The following COPG1 variants were observed in gnomAD, a reference collection of about 807,000 sequenced individuals.
The protein encoded by COPG1 is coat protein complex I subunit gamma 1.
A neutral mutation model predicts 102.8 loss-of-function variants in COPG1; 29 were observed. That is an observed-to-expected ratio of 0.28 (90% CI 0.21 to 0.38). The LOEUF is 0.38. COPG1 is among the 10% of genes least tolerant of loss of function. The pLI is 1.00. For missense variants in COPG1, 875 were observed against 1,132.7 expected (o/e 0.77, Z 3.27); for synonymous variants, 406 against 421.6 (o/e 0.96, Z 0.45).
Position 129,257,463 on chromosome 3 carries a change from C to T in COPG1, c.580-7C>T. 6.2e-7 allele frequency: 1 copy of T among 1,614,148 alleles called. No individual in the cohort carries two copies. Among genetic ancestry groups the T allele is most frequent in the Non-Finnish European group, 8.5e-7 (1 of 1,180,006 alleles). On this transcript the variant is annotated splice_polypyrimidine_tract_variant and splice_region_variant and intron_variant, in intron 8 of 23. Coordinates refer to ENST00000314797, the MANE Select transcript of COPG1 (RefSeq NM_016128.4). Reference sequence around the variant, plus strand: ...TTTGTACTCTGTTGCTGTCTCCTGTCCTATAGTACCACGCACTAGGGCTCC... The same window carrying T: ...TTTGTACTCTGTTGCTGTCTCCTGTTCTATAGTACCACGCACTAGGGCTCC...
At chr3:129,252,561 C>T in intron 3 of COPG1, 62 bp from the exon 4 acceptor site, 3 of 1,404,830 alleles carry the variant, frequency 2.1e-6, no homozygotes, top group African/African-American at 1.4e-5. Flanking sequence ...GTGGGCTGAT[C>T]CTGAAAGAAC....
chr3:129,252,630 A>G lies in COPG1; in HGVS notation c.179A>G (p.His60Arg), dbSNP rs764263230. 1 of 1,613,834 alleles carries G rather than the reference A, an allele frequency of 6.2e-7. No homozygotes were observed. The part of the protein sequence containing the change: ...KILYLINQGE[H>R]LGTTEATEAF... The stretch of plus-strand genomic sequence containing the variant: ...CTTTCTTGATTAACACAGGGGGAGC[A>G]CCTGGGGACCACGGAAGCGACCGAG... The change falls in exon 4 of 24, where the codon CAC becomes CGC. Residue 60 changes from histidine to arginine, a missense_variant. By Grantham distance (29) the His-to-Arg change is conservative. Coordinates refer to ENST00000314797, the MANE Select transcript of COPG1 (RefSeq NM_016128.4).
Position 129,275,063 on chromosome 3 carries a change from G to A in COPG1, c.2395+87G>A. 6.5e-7 allele frequency: 1 copy of A among 1,540,022 alleles called. No homozygotes were observed. Among genetic ancestry groups the A allele is most frequent in the South Asian group, 1.1e-5 (1 of 87,052 alleles). ...AAGTGCTCATCCCTTTTCTCTCCAA[G>A]GATCCAGGGCCATGTCTGGAGCACA... On this transcript the variant is annotated intron_variant, in intron 22 of 23. Transcript: ENST00000314797. The surrounding 1 kb of genome is among the most constrained non-coding windows in gnomAD (Gnocchi z 5.0).
At chr3:129,274,595 G>T (rs911181246) in intron 21 of COPG1, among the ~76,000 whole-genome samples, 5 of 152,212 alleles carry the variant, frequency 3.3e-5, no homozygotes, top group African/African-American at 9.6e-5. Flanking sequence ...GCGGCTCTAG[G>T]CTGAATTAGT....
intron 6 of COPG1, 117 bp downstream of exon 6, chr3:129,254,860 G>C (rs1939773342): frequency 8.5e-7 from 1 of 1,175,812 alleles, no homozygotes; most frequent in Non-Finnish European, 1.3e-6. Flanking sequence ...GGTGGAGGCA[G>C]TGTGCAGGAG....
rs141128042 is a variant in COPG1 at position 129,267,510 on chromosome 3, A to G, written c.1544+411A>G. Among the ~76,000 whole-genome samples, 428 of 152,242 alleles carry G rather than the reference A, an allele frequency of 2.8e-3. 3 individuals carry two copies. Among genetic ancestry groups the G allele is most frequent in the Non-Finnish European group, 5.1e-3 (350 of 67,998 alleles). On this transcript the variant is annotated intron_variant, in intron 15 of 23. Coordinates refer to ENST00000314797, the MANE Select transcript of COPG1 (RefSeq NM_016128.4). ...GTGGCGGGTGCCTGTAGTCCCAGCT[A>G]CTTGGGAGGCTGAGGCAGGAGAATG...
At position 129,272,312 on chromosome 3, in the gene COPG1, G is replaced by A; in HGVS notation, c.2055G>A (p.Glu685=). The A allele has an allele frequency of 2.5e-6, 4 of 1,614,002 alleles. No individual in the cohort carries two copies. Among genetic ancestry groups the A allele is most frequent in the Non-Finnish European group, 3.4e-6 (4 of 1,179,870 alleles). Residue 685 remains glutamate, a synonymous_variant, in exon 20 of 24, where the codon GAG becomes GAA. Coordinates refer to ENST00000314797, the MANE Select transcript of COPG1 (RefSeq NM_016128.4). ...ENVTVQMEPT[E]AYEVLCYVPA... is the part of the protein sequence containing the mutation. ...TCACAGTGCAGATGGAGCCCACTGA[G>A]GCCTATGAGGTGCTCTGTTACGTGC...
intron 1 of COPG1, 98 bp from the exon 2 acceptor site, chr3:129,250,584 T>C: frequency 1.0e-6 from 1 of 963,562 alleles, no homozygotes. Context: ...TGAACTTTAC[T>C]AGATTTCCTA....
intron 15 of COPG1, 102 bp from the exon 16 acceptor site, chr3:129,267,835 T>C: frequency 1.2e-6 from 1 of 844,756 alleles, no homozygotes; most frequent in East Asian, 2.6e-5. Context: ...ACCACTAGTC[T>C]ACTTGTTATC....
chr3:129,255,324 G>A (rs879359401), intron 7 of COPG1, among the ~76,000 whole-genome samples: 30 of 151,858 alleles, frequency 2.0e-4, no homozygotes, highest in South Asian at 6.3e-4. Context: ...GATTACAGGC[G>A]TCTGCCACTG....
rs540377964 is a variant in COPG1 at position 129,262,750 on chromosome 3, T to TGGC, written c.1129-1153_1129-1151dup. ...AAAAAAAAAAATTGGCTGGGCGCGG[T>TGGC]GGCTTATGCCTGTAATCACAGCACT... On this transcript the variant is annotated intron_variant, in intron 12 of 23. Coordinates refer to ENST00000314797, the MANE Select transcript of COPG1 (RefSeq NM_016128.4). Among the ~76,000 whole-genome samples the TGGC allele has an allele frequency of 8.6e-3, 1,281 of 149,448 alleles. 15 individuals are homozygous for TGGC. Among genetic ancestry groups the TGGC allele is most frequent in the African/African-American group, 0.03 (1,217 of 40,460 alleles).
At chr3:129,253,030 C>A in intron 5 of COPG1, 75 bp downstream of exon 5, 1 of 1,316,082 alleles carries the variant, frequency 7.6e-7, no homozygotes, top group Non-Finnish European at 1.1e-6. Context: ...GTGTACCAGA[C>A]AGTGAGACTT....
Position 129,277,516 on chromosome 3 carries a change from C to A in COPG1, c.*92C>A. The A allele has an allele frequency of 7.4e-7, 1 of 1,358,700 alleles. No homozygotes were observed. The highest frequency in any genetic ancestry group is 1.0e-6 in the Non-Finnish European group (1 of 985,192). 84.2% of individuals were successfully genotyped at this position (1,358,700 alleles called of 1,614,324 possible). On this transcript the variant is annotated 3_prime_UTR_variant, in exon 24 of 24. Coordinates refer to ENST00000314797, the MANE Select transcript of COPG1 (RefSeq NM_016128.4). ...AAACTGGCAGAAACCCCTTCCCAAG[C>A]TTCTGTATTGAAAAACAATTAGGAA...
intron 13 of COPG1, 101 bp downstream of exon 13, chr3:129,264,100 C>T (rs547740739): frequency 1.0e-6 from 1 of 977,668 alleles, no homozygotes; most frequent in East Asian, 2.5e-5. Flanking sequence ...TTATGTTAGC[C>T]TGTTAACCAA....
intron 3 of COPG1, 82 bp downstream of exon 3, chr3:129,252,443 T>C (rs1218481363): frequency 8.8e-7 from 1 of 1,130,878 alleles, no homozygotes; most frequent in Non-Finnish European, 1.3e-6. Flanking sequence ...ACTCTTAGGC[T>C]ATTGGACAGC....
rs778844738 is a variant in COPG1 at position 129,274,829 on chromosome 3, T to C, written c.2257-9T>C. 20 of 1,606,604 alleles carry C rather than the reference T, an allele frequency of 1.2e-5. No homozygotes were observed. Among genetic ancestry groups the C allele is most frequent in the Admixed American group, 1.0e-4 (6 of 59,510 alleles). ...GATGGGTGCCTGATTTCTACCTCCA[T>C]CTCTCCAGCTGGAAGATCTGGAAGT... On this transcript the variant is annotated splice_polypyrimidine_tract_variant and intron_variant, in intron 21 of 23. Coordinates refer to ENST00000314797, the MANE Select transcript of COPG1 (RefSeq NM_016128.4).
chr3:129,272,307 A>C lies in COPG1; in HGVS notation c.2050A>C (p.Thr684Pro), dbSNP rs772148700. 2 of 1,613,926 alleles carry C rather than the reference A, an allele frequency of 1.2e-6. No individual in the cohort carries two copies. The highest frequency in any genetic ancestry group is 1.7e-6 in the Non-Finnish European group (2 of 1,179,914). The change falls in exon 20 of 24, where the codon ACT becomes CCT. Residue 684 changes from threonine to proline, a missense_variant. Physicochemically the swap from Thr to Pro is conservative, Grantham distance 38. Coordinates refer to ENST00000314797, the MANE Select transcript of COPG1 (RefSeq NM_016128.4). ...LENVTVQMEP[T>P]EAYEVLCYVP... The stretch of plus-strand genomic sequence containing the variant: ...GAATGTCACAGTGCAGATGGAGCCC[A>C]CTGAGGCCTATGAGGTGCTCTGTTA...
At position 129,254,660 on chromosome 3, in the gene COPG1, C is replaced by T. The variant is rs1388002062; in HGVS notation, c.324-8C>T. On this transcript the variant is annotated splice_region_variant and splice_polypyrimidine_tract_variant and intron_variant, in intron 5 of 23. Transcript: ENST00000314797. The stretch of plus-strand genomic sequence containing the variant: ...CTCTGCATGCTGACAATGCCTTCTT[C>T]CCTGCAGCCTAACAAAAGACATGAC... 5 of 1,612,988 alleles carry T rather than the reference C, an allele frequency of 3.1e-6. No individual in the cohort carries two copies. The highest frequency in any genetic ancestry group is 2.7e-5 in the African/African-American group (2 of 74,884).
rs746327456 is a variant in COPG1, at chr3:129,265,550, G to T, written c.1226G>T (p.Gly409Val). 6.2e-7 allele frequency: 1 copy of T among 1,614,142 alleles called. No homozygotes were observed. Among genetic ancestry groups the T allele is most frequent in the South Asian group, 1.1e-5 (1 of 91,080 alleles). Residue 409 changes from glycine to valine, a missense_variant and splice_region_variant, in exon 14 of 24, where the codon GGT becomes GTT. Transcript: ENST00000314797. The stretch of plus-strand genomic sequence containing the variant: ...GCTTAGCTCAGCTTCTCTCTGCAGG[G>T]TGGCTTTGAGTATAAGCGCGCTATC... The part of the protein sequence containing the change: ...NFLFTMLREE[G>V]GFEYKRAIVD...
Sources: gnomAD v4.1 joint callset for allele counts (sites outside exome capture counted in the v4.1 genomes callset) on GRCh38, gnomAD v4.1.1 for gene constraint, Gnocchi (gnomAD v3.1) non-coding constraint, MANE v1.5 for transcripts, NCBI Gene and HGNC (gene_info 2026-07-23, HGNC 2026-07-21) for gene names.